FER1L5: variants seen among roughly 807,000 people sequenced by gnomAD.
The protein encoded by FER1L5 is fer-1-like protein 5.
Under a neutral mutation model 279.9 loss-of-function variants are expected in FER1L5, and 187 were observed. That is an observed-to-expected ratio of 0.67 (90% CI 0.59 to 0.75). FER1L5 has a LOEUF of 0.75. Among genes scored for constraint, FER1L5 ranks in the 30% least tolerant of loss-of-function variants. The probability of loss-of-function intolerance (pLI) is 0.00; values close to 1 mark genes in which losing one functional copy is unlikely to be tolerated. For synonymous variants in FER1L5, 921 were observed against 989.7 expected (o/e 0.93, Z 1.30); for missense variants, 2,091 against 2,594.4 (o/e 0.81, Z 4.21).
intron 1 of FER1L5, among the ~76,000 whole-genome samples, chr2:96,646,143 C>T (rs572871851): frequency 1.3e-4 from 20 of 152,082 alleles, no homozygotes; most frequent in South Asian, 1.0e-3. Context: ...GGACTACAGG[C>T]GCCCGCCACC....
chr2:96,669,293 T>A (rs1246858069), intron 17 of FER1L5, among the ~76,000 whole-genome samples, 156 bp downstream of exon 17: 1 of 152,096 alleles, frequency 6.6e-6, no homozygotes, highest in Non-Finnish European at 1.5e-5. Flanking sequence ...GCCACGTGCA[T>A]GTGGGACAGG....
At chr2:96,669,665 C>A (rs985172077) in intron 17 of FER1L5, among the ~76,000 whole-genome samples, 2 of 152,260 alleles carry the variant, frequency 1.3e-5, no homozygotes, top group Non-Finnish European at 1.5e-5. Context: ...CTCCTTCCCC[C>A]CTGCCTCATT....
In FER1L5 at chr2:96,670,161, C is replaced by T. The variant is rs1205361048; in HGVS notation, c.1405C>T (p.Arg469Ter). Residue 469 changes from arginine (R) to a stop codon, truncating the protein, a stop_gained, in exon 18 of 53, where the codon CGA (arginine) becomes TGA (stop). Transcript: ENST00000624922. LOFTEE classifies it high-confidence loss of function. ...TAGGGATGGTTTAGCTTATCGAGGC[C>T]GAGTCTTCCTGGAGTTAATCACCCA... is the stretch of plus-strand genomic sequence containing the variant. ...SVRDGLAYRG[R>*]VFLELITQIK... 1.4e-5 allele frequency: 21 copies of T among 1,551,462 alleles called. No homozygotes were observed. Among genetic ancestry groups the T allele is most frequent in the Middle Eastern group, 1.7e-4 (1 of 6,012 alleles).
chr2:96,694,244 C>A lies in FER1L5; in HGVS notation c.3637-116C>A. The A allele has an allele frequency of 7.7e-7, 1 of 1,295,980 alleles. No individual in the cohort carries two copies. Among genetic ancestry groups the A allele is most frequent in the Non-Finnish European group, 1.0e-6 (1 of 963,810 alleles). The allele number at this position is 1,295,980 out of a possible 1,614,324, so 80.3% of individuals were successfully genotyped here. ...CCAGCCTCTCCCCTAAGTCCCCCTG[C>A]CAGCCCCTACCCATGGGGCTCTGGG... On this transcript the variant is annotated intron_variant, in intron 33 of 52. Coordinates refer to ENST00000624922, the MANE Select transcript of FER1L5 (RefSeq NM_001293083.2). The surrounding 1 kb of genome is among the most constrained non-coding windows in gnomAD (Gnocchi z 4.6).
chr2:96,702,412 G>A lies in FER1L5; in HGVS notation c.5255+11G>A, dbSNP rs771224345. On this transcript the variant is annotated intron_variant, in intron 47 of 52. Transcript: ENST00000624922. This position sits in a 1 kb window ranked among gnomAD's most constrained non-coding sequence, Gnocchi z 4.0. ...CATCTACATCAAAGGGTAGGGAAGA[G>A]GAGTCAGGCTCCGGCAGAGCCCCTC... The A allele has an allele frequency of 1.2e-6, 2 of 1,606,096 alleles. No individual in the cohort carries two copies. Among genetic ancestry groups the A allele is most frequent in the East Asian group, 2.2e-5 (1 of 44,536 alleles).
intron 7 of FER1L5, 170 bp downstream of exon 7, chr2:96,652,190 C>A: frequency 1.1e-6 from 1 of 933,566 alleles, no homozygotes; most frequent in Non-Finnish European, 1.6e-6. Flanking sequence ...CAGTATAACT[C>A]AGAGCCCTGT....
In FER1L5 at chr2:96,698,201, C is replaced by T; in HGVS notation, c.4356+45C>T. The T allele has an allele frequency of 6.5e-7, 1 of 1,529,842 alleles. No homozygotes were observed. Among genetic ancestry groups the T allele is most frequent in the Non-Finnish European group, 8.8e-7 (1 of 1,134,602 alleles). 94.8% of individuals were successfully genotyped at this position (1,529,842 alleles called of 1,614,324 possible). A position where few individuals can be genotyped will look rare whatever the true frequency, so the allele number is the denominator to read the frequency against. ...TAGCTGCCCCTGTCTCCTTGTGCAC[C>T]TTCTGTCCCTGGAAAACGAATAAAA... is the stretch of plus-strand genomic sequence containing the variant. On this transcript the variant is annotated intron_variant, in intron 40 of 52. Transcript: ENST00000624922. The surrounding 1 kb of genome is among the most constrained non-coding windows in gnomAD (Gnocchi z 5.5).
intron 9 of FER1L5, among the ~76,000 whole-genome samples, chr2:96,656,375 G>A (rs991513552): frequency 6.6e-6 from 1 of 152,164 alleles, no homozygotes; most frequent in Non-Finnish European, 1.5e-5. Flanking sequence ...GGTGGCTCAC[G>A]CCTGTAATCC....
At position 96,647,057 on chromosome 2, in the gene FER1L5, C is replaced by G; in HGVS notation, c.139-7C>G. 1 of 1,551,536 alleles carries G rather than the reference C, an allele frequency of 6.4e-7. No individual in the cohort carries two copies. Among genetic ancestry groups the G allele is most frequent in the Non-Finnish European group, 8.7e-7 (1 of 1,146,916 alleles). On this transcript the variant is annotated splice_polypyrimidine_tract_variant and splice_region_variant and intron_variant, in intron 2 of 52. Coordinates refer to ENST00000624922, the MANE Select transcript of FER1L5 (RefSeq NM_001293083.2). The stretch of plus-strand genomic sequence containing the variant: ...GGAGGATGCTGACCTCTCTATGCCC[C>G]CCACAGACCCTAATCTGGCACCTCT...
rs554235838 is a variant in FER1L5, at chr2:96,670,442, T to C, written c.1491+195T>C. ...TTCATGCTGCACCAAATCCCGGTGG[T>C]TGGGGGACCCTGATGGAAAAGATAA... On this transcript the variant is annotated intron_variant, in intron 18 of 52. Transcript: ENST00000624922. Among the ~76,000 whole-genome samples the C allele has an allele frequency of 1.6e-3, 239 of 152,254 alleles. 1 individual carries two copies. Among genetic ancestry groups the C allele is most frequent in the African/African-American group, 5.2e-3 (216 of 41,554 alleles).
intron 19 of FER1L5, 46 bp downstream of exon 19, chr2:96,673,300 C>A: frequency 6.6e-7 from 1 of 1,516,598 alleles, no homozygotes; most frequent in Non-Finnish European, 8.9e-7. Flanking sequence ...CCACTGCATG[C>A]CAGGCCCTGT....
At chr2:96,649,801 C>A in intron 5 of FER1L5, 124 bp downstream of exon 5, 2 of 943,510 alleles carry the variant, frequency 2.1e-6, no homozygotes, top group Non-Finnish European at 3.2e-6. Context: ...TGTGACCAGG[C>A]TAGGGTCCCT....
At position 96,702,322 on chromosome 2, in the gene FER1L5, A is replaced by G. The variant is rs762645578; in HGVS notation, c.5176A>G (p.Ile1726Val). The change falls in exon 47 of 53, where the codon ATC becomes GTC. Residue 1726 changes from isoleucine to valine, a missense_variant. Ile to Val is a conservative substitution (Grantham distance 29, BLOSUM62 3). Coordinates refer to ENST00000624922, the MANE Select transcript of FER1L5 (RefSeq NM_001293083.2). The surrounding 1 kb of genome is among the most constrained non-coding windows in gnomAD (Gnocchi z 4.0). Reference protein sequence around the residue: ...RKPKRYELRCIIWKTANVDLV... With the variant: ...RKPKRYELRCVIWKTANVDLV... ...TGGCCACAGGTATGAGCTGCGATGC[A>G]TCATCTGGAAGACTGCCAATGTGGA... 4 of 1,612,420 alleles carry G rather than the reference A, an allele frequency of 2.5e-6. No individual in the cohort carries two copies. Among genetic ancestry groups the G allele is most frequent in the African/African-American group, 1.3e-5 (1 of 75,038 alleles).
Position 96,691,392 on chromosome 2 carries a change from A to G in FER1L5, c.2907+39A>G, listed in dbSNP as rs2077139682. On this transcript the variant is annotated intron_variant, in intron 28 of 52. Transcript: ENST00000624922. The surrounding 1 kb of genome is among the most constrained non-coding windows in gnomAD (Gnocchi z 6.0). ...GGGCGCCCTGGCTGGGACTGCGGGC[A>G]GGGCCGCCTTGGCTGCTGCAGGAAC... is the stretch of plus-strand genomic sequence containing the variant. The G allele has an allele frequency of 1.9e-6, 3 of 1,538,804 alleles. No individual in the cohort carries two copies. Among genetic ancestry groups the G allele is most frequent in the Non-Finnish European group, 2.6e-6 (3 of 1,138,818 alleles).
Position 96,646,410 on chromosome 2 carries a change from A to G in FER1L5, c.95A>G (p.Lys32Arg). 1 of 1,551,810 alleles carries G rather than the reference A, an allele frequency of 6.4e-7. No individual in the cohort carries two copies. The highest frequency in any genetic ancestry group is 8.7e-7 in the Non-Finnish European group (1 of 1,146,966). ...CTTGGTTTCTTTGCAGATATCAAGA[A>G]AAGAACTCGTGTGGTGGAAGGGAAT... ...CMSIDFRDIK[K>R]RTRVVEGNDP... The change falls in exon 2 of 53, where the codon AAA becomes AGA. Residue 32 changes from lysine (K) to arginine (R), a missense_variant. Coordinates refer to ENST00000624922, the MANE Select transcript of FER1L5 (RefSeq NM_001293083.2).
In FER1L5 at chr2:96,693,705, G is replaced by C. The variant is rs12466906; in HGVS notation, c.3474+18G>C. 62,960 of 1,547,862 alleles carry C rather than the reference G, an allele frequency of 0.041. 1,467 individuals are homozygous for C. The highest frequency in any genetic ancestry group is 0.048 in the Non-Finnish European group (54,540 of 1,144,860). ...ACTTCTGGGTAAGTTGGGCTGGGCA[G>C]AGCAAGGGGAAGAGGACCTACCTCA... On this transcript the variant is annotated intron_variant, in intron 32 of 52. Transcript: ENST00000624922.
Position 96,698,081 on chromosome 2 carries a change from G to T in FER1L5, c.4281G>T (p.Leu1427=). The T allele has an allele frequency of 6.3e-7, 1 of 1,589,522 alleles. No individual in the cohort carries two copies. ...ELEAVPAFQG[L]QDFCQTFKLY... is the part of the protein sequence containing the mutation. ...AGGCCGTGCCAGCCTTCCAGGGCCT[G>T]CAGGACTTCTGCCAGACCTTCAAAC... Residue 1427 remains leucine, a synonymous_variant, in exon 40 of 53, where the codon CTG becomes CTT. Transcript: ENST00000624922. This position sits in a 1 kb window ranked among gnomAD's most constrained non-coding sequence, Gnocchi z 5.5.
chr2:96,696,009 C>T lies in FER1L5; in HGVS notation c.4058-43C>T, dbSNP rs777285999. The T allele has an allele frequency of 8.1e-6, 13 of 1,612,746 alleles. No individual in the cohort carries two copies. The Admixed American group carries it at 8.3e-5, about 10-fold the overall frequency. On this transcript the variant is annotated intron_variant, in intron 36 of 52. Transcript: ENST00000624922. ...TGGGGTTGGTGCTTCCTCCTCAGCCCTCTCCCCATCCTGAGACTCGTCCCT... is the reference window on the plus strand; with the variant it reads ...TGGGGTTGGTGCTTCCTCCTCAGCCTTCTCCCCATCCTGAGACTCGTCCCT...
At chr2:96,647,219 C>T in intron 3 of FER1L5, 64 bp downstream of exon 3, 2 of 1,479,948 alleles carry the variant, frequency 1.4e-6, no homozygotes, top group Non-Finnish European at 9.2e-7. Flanking sequence ...TTATGTGATC[C>T]TTGTCTCTAA....
Sources: gnomAD v4.1 joint callset for allele counts (sites outside exome capture counted in the v4.1 genomes callset) on GRCh38, gnomAD v4.1.1 for gene constraint, Gnocchi (gnomAD v3.1) non-coding constraint, MANE v1.5 for transcripts, NCBI Gene and HGNC (gene_info 2026-07-23, HGNC 2026-07-21) for gene names.